Variants in SDK2 observed in about 807,000 individuals in gnomAD.
SDK2 encodes sidekick cell adhesion molecule 2.
A neutral mutation model predicts 253.9 loss-of-function variants in SDK2; 105 were observed. The ratio of observed to expected loss-of-function variants is 0.41; its 90% confidence interval spans 0.35 to 0.49. The LOEUF is 0.49. Ranked by LOEUF, SDK2 falls within the 20% of genes least tolerant of loss-of-function variation. SDK2 has a pLI of 0.06. For missense variants in SDK2, 2,608 were observed against 3,003.0 expected, an observed-to-expected ratio of 0.87 and a Z score of 3.07; for synonymous variants, 1,249 against 1,234.9, an observed-to-expected ratio of 1.01 and a Z score of -0.24.
chr17:73,334,764 T>C lies in SDK2; in HGVS notation c.*3823A>G, dbSNP rs1265528969. On this transcript the variant is annotated 3_prime_UTR_variant, in exon 45 of 45. Coordinates refer to ENST00000392650, the MANE Select transcript of SDK2 (RefSeq NM_001144952.2). The stretch of plus-strand genomic sequence containing the variant: ...GGTGGTCAGGATTGCCATGTGCGCA[T>C]GCCCATGGGTGTCCCTGGATAGGGC... The C allele has an allele frequency of 6.6e-6, 1 of 152,232 alleles. No individual in the cohort carries two copies. The highest frequency in any genetic ancestry group is 1.5e-5 in the Non-Finnish European group (1 of 68,100). The allele number at this position is 152,232 out of a possible 1,614,324, so 9.4% of individuals were successfully genotyped here. A position where few individuals can be genotyped will look rare whatever the true frequency, so the allele number is the denominator to read the frequency against.
intron 1 of SDK2, among the ~76,000 whole-genome samples, chr17:73,540,261 T>C (rs1051479525): frequency 1.3e-5 from 2 of 152,182 alleles, no homozygotes; most frequent in African/African-American, 4.8e-5. Context: ...ATCCTCAGCA[T>C]GGCAATAGAG....
At chr17:73,503,853 C>G (rs771470916) in intron 2 of SDK2, among the ~76,000 whole-genome samples, 2 of 152,208 alleles carry the variant, frequency 1.3e-5, no homozygotes, top group Non-Finnish European at 2.9e-5. Flanking sequence ...CTGGGACTTT[C>G]TAAGTGAAAC....
chr17:73,499,859 CTGTGTGTGTGTGTGTGTGTGTGTGTGTG>C (rs59872387), intron 2 of SDK2, among the ~76,000 whole-genome samples: 4 of 145,718 alleles, frequency 2.7e-5, no homozygotes, highest in South Asian at 2.3e-4. Flanking sequence ...GCATGGGAAT[CTGTGTGTGTGTGTGTGTGTGTGTGTGTG>C]TGTGTGTGTG....
intron 1 of SDK2, among the ~76,000 whole-genome samples, chr17:73,589,372 C>T (rs1479899511): frequency 6.6e-6 from 1 of 152,180 alleles, no homozygotes. Context: ...TGAGGGTGAC[C>T]CTGTTGGGGA....
chr17:73,596,671 T>C (rs1029173917), intron 1 of SDK2, among the ~76,000 whole-genome samples: 1 of 151,652 alleles, frequency 6.6e-6, no homozygotes, highest in African/African-American at 2.4e-5. Flanking sequence ...AGAAGGGAGA[T>C]GAGGAGGAGC....
Position 73,383,767 on chromosome 17 carries a change from G to A in SDK2, c.4705+109C>T. The A allele has an allele frequency of 7.3e-7, 1 of 1,366,344 alleles. No homozygotes were observed. 84.6% of individuals were successfully genotyped at this position (1,366,344 alleles called of 1,614,324 possible). A position where few individuals can be genotyped will look rare whatever the true frequency, so the allele number is the denominator to read the frequency against. ...GGAGAGGCACACATGGAGGAGGGAG[G>A]CAAGGTTTCAGGTTAGAGTGGTTCC... On this transcript the variant is annotated intron_variant, in intron 33 of 44. Coordinates refer to ENST00000392650, the MANE Select transcript of SDK2 (RefSeq NM_001144952.2). This position sits in a 1 kb window ranked among gnomAD's most constrained non-coding sequence, Gnocchi z 4.3.
intron 1 of SDK2, among the ~76,000 whole-genome samples, chr17:73,602,974 C>A (rs1318604323): frequency 6.6e-6 from 1 of 152,312 alleles, no homozygotes; most frequent in East Asian, 1.9e-4. Context: ...ATCCACCCAC[C>A]TCAGCCTCCC....
chr17:73,350,730 C>G lies in SDK2; in HGVS notation c.5819G>C (p.Gly1940Ala). ...GACCAGAAGCAGGATGAAGATGAGG[C>G]CGACCAGGGCAATGACCACCAAGAA... Reference protein sequence around the residue: ...WWFLVVIALVGLIFILLLVFV... With the variant: ...WWFLVVIALVALIFILLLVFV... Residue 1940 changes from glycine (G) to alanine (A), a missense_variant, in exon 42 of 45, where the codon GGC becomes GCC. Gly to Ala is a moderately conservative substitution (Grantham distance 60). This residue lies in a region of SDK2 where 1,103 missense variants were observed against 1,143.9 expected (regional missense o/e 0.96). Coordinates refer to ENST00000392650, the MANE Select transcript of SDK2 (RefSeq NM_001144952.2). The G allele has an allele frequency of 6.2e-7, 1 of 1,613,540 alleles. No homozygotes were observed. Among genetic ancestry groups the G allele is most frequent in the Non-Finnish European group, 8.5e-7 (1 of 1,179,782 alleles).
intron 1 of SDK2, among the ~76,000 whole-genome samples, chr17:73,524,133 T>C (rs2064106297): frequency 6.6e-6 from 1 of 152,186 alleles, no homozygotes; most frequent in South Asian, 2.1e-4. Context: ...TTGCCCTCCC[T>C]GGCCCCAGAA....
rs76718442 is a variant in SDK2 at position 73,392,742 on chromosome 17, G to C, written c.3898+818C>G. Among the ~76,000 whole-genome samples the C allele has an allele frequency of 3.3e-3, 500 of 152,250 alleles. 16 individuals are homozygous for C. The East Asian group carries it at 0.054, about 17-fold the overall frequency. ...TCTGGTCCGGTTCCTGCAAATGTCT[G>C]TGGTGGGCAGTAGGTGGGGGCGTGT... On this transcript the variant is annotated intron_variant, in intron 27 of 44. Coordinates refer to ENST00000392650, the MANE Select transcript of SDK2 (RefSeq NM_001144952.2).
intron 4 of SDK2, among the ~76,000 whole-genome samples, chr17:73,453,959 A>G (rs1030206957): frequency 1.3e-5 from 2 of 152,242 alleles, no homozygotes; most frequent in African/African-American, 4.8e-5. Flanking sequence ...CAGGTGTGCC[A>G]TTAAAAAAAT....
intron 12 of SDK2, among the ~76,000 whole-genome samples, chr17:73,429,061 C>T (rs1387284812): frequency 1.3e-5 from 2 of 152,160 alleles, no homozygotes; most frequent in Non-Finnish European, 2.9e-5. Flanking sequence ...AGAATGAATA[C>T]AATGTATGTC....
rs1301302041 is a variant in SDK2 at position 73,391,470 on chromosome 17, G to A, written c.3967C>T (p.Pro1323Ser). The stretch of plus-strand genomic sequence containing the variant: ...ATGATGCCATTGGGGGCGGCAGGGG[G>A]CTGCCAGATCAGCCGCACAGACGTG... ...RTTSVRLIWQ[P>S]PAAPNGIILA... The change falls in exon 28 of 45, where the codon CCC (proline) becomes TCC (serine). Residue 1323 changes from proline (P) to serine (S), a missense_variant. Transcript: ENST00000392650. 17 of 1,310,358 alleles carry A rather than the reference G, an allele frequency of 1.3e-5. No individual in the cohort carries two copies. The highest frequency in any genetic ancestry group is 1.7e-5 in the Non-Finnish European group (17 of 1,020,904). 81.2% of individuals were successfully genotyped at this position (1,310,358 alleles called of 1,614,324 possible).
chr17:73,409,665 A>G lies in SDK2; in HGVS notation c.2484+4979T>C, dbSNP rs148734496. The stretch of plus-strand genomic sequence containing the variant: ...GAAGAAAAAAAAAACACAAAAGGGG[A>G]AAAATGCTCATTCTTATTGGAGGTA... On this transcript the variant is annotated intron_variant, in intron 18 of 44. Transcript: ENST00000392650. 1.5e-3 allele frequency among the ~76,000 whole-genome samples: 233 copies of G among 152,040 alleles called. 3 individuals carry two copies. The East Asian group carries it at 0.04, about 26-fold the overall frequency.
At chr17:73,375,617 G>A (rs1218695516) in intron 36 of SDK2, among the ~76,000 whole-genome samples, 1 of 152,058 alleles carries the variant, frequency 6.6e-6, no homozygotes, top group Non-Finnish European at 1.5e-5. Context: ...TCAGCAATTT[G>A]GGAGACCGAG....
intron 1 of SDK2, among the ~76,000 whole-genome samples, chr17:73,536,780 G>T (rs1233480649): frequency 6.6e-6 from 1 of 152,208 alleles, no homozygotes; most frequent in Non-Finnish European, 1.5e-5. Flanking sequence ...CCTCTCTGAA[G>T]TTGGGGGGCT....
chr17:73,575,110 C>T (rs993544513), intron 1 of SDK2, among the ~76,000 whole-genome samples: 4 of 152,198 alleles, frequency 2.6e-5, no homozygotes, highest in Non-Finnish European at 5.9e-5. Context: ...TGGGCATATC[C>T]CCTGGGAATC....
intron 1 of SDK2, among the ~76,000 whole-genome samples, chr17:73,576,419 G>A (rs76248737): frequency 0.017 from 2,641 of 152,298 alleles, 51 homozygotes; most frequent in Non-Finnish European, 0.023. Flanking sequence ...GGTGTCACAA[G>A]GATATGAAGG....
intron 1 of SDK2, among the ~76,000 whole-genome samples, chr17:73,553,621 C>G (rs1487223673): frequency 6.6e-6 from 1 of 152,160 alleles, no homozygotes; most frequent in Non-Finnish European, 1.5e-5. Flanking sequence ...TGAGCCACTA[C>G]CTGGCCACAG....
Sources: allele counts gnomAD v4.1 joint callset (sites outside exome capture counted in the v4.1 genomes callset), GRCh38; gene constraint gnomAD v4.1.1; regional missense constraint gnomAD v4.1.1; non-coding constraint Gnocchi (gnomAD v3.1); transcripts MANE v1.5; gene names NCBI Gene and HGNC (gene_info 2026-07-23, HGNC 2026-07-21).